RAPGEF1: variants seen among roughly 807,000 people sequenced by gnomAD.
RAPGEF1 encodes the protein Rap guanine nucleotide exchange factor 1.
Under a neutral mutation model 143.3 loss-of-function variants are expected in RAPGEF1, and 33 were observed. That is an observed-to-expected ratio of 0.23 (90% CI 0.17 to 0.31). The LOEUF is 0.31. Ranked by LOEUF, RAPGEF1 falls within the 10% of genes least tolerant of loss-of-function variation. RAPGEF1 has a pLI of 1.00. For missense variants in RAPGEF1, 1,199 were observed against 1,645.4 expected, an observed-to-expected ratio of 0.73 and a Z score of 4.69; for synonymous variants, 629 against 676.5, an observed-to-expected ratio of 0.93 and a Z score of 1.09.
chr9:131,587,871 T>G, intron 21 of RAPGEF1, 41 bp from the exon 22 acceptor site: 1 of 1,603,966 alleles, frequency 6.2e-7, no homozygotes, highest in African/African-American at 1.3e-5. Context: ...GAGCCCCGGC[T>G]TTCCCCTGAT....
At chr9:131,683,789 T>C (rs530256415) in intron 1 of RAPGEF1, among the ~76,000 whole-genome samples, 2 of 152,374 alleles carry the variant, frequency 1.3e-5, no homozygotes, top group South Asian at 2.1e-4. Flanking sequence ...TGCCTATTAA[T>C]GTGGTTTCTG....
chr9:131,714,298 C>A (rs1835706555), intron 1 of RAPGEF1, among the ~76,000 whole-genome samples: 1 of 151,894 alleles, frequency 6.6e-6, no homozygotes, highest in South Asian at 2.1e-4. Flanking sequence ...GAGTCAGGAT[C>A]CTGCAAGGCG....
intron 14 of RAPGEF1, among the ~76,000 whole-genome samples, 176 bp from the exon 15 acceptor site, chr9:131,602,325 C>G (rs2132470442): frequency 6.6e-6 from 1 of 152,380 alleles, no homozygotes; most frequent in East Asian, 1.9e-4. Context: ...GCCCTCAAGA[C>G]TAGCATGTGG....
At chr9:131,582,825 T>TCCCA in intron 24 of RAPGEF1, 123 bp from the exon 25 acceptor site, 1 of 764,226 alleles carries the variant, frequency 1.3e-6, no homozygotes, top group Non-Finnish European at 2.0e-6. Flanking sequence ...ACTCCACAGG[T>TCCCA]CCCACTACGC....
At chr9:131,736,693 G>C (rs1247809539) in intron 1 of RAPGEF1, among the ~76,000 whole-genome samples, 1 of 152,124 alleles carries the variant, frequency 6.6e-6, no homozygotes, top group Admixed American at 6.5e-5. Flanking sequence ...GATGTGAAGG[G>C]GTTTCCTGTT....
chr9:131,640,823 T>C (rs1156361594), intron 4 of RAPGEF1, among the ~76,000 whole-genome samples: 1 of 152,108 alleles, frequency 6.6e-6, no homozygotes, highest in African/African-American at 2.4e-5. Context: ...AGGAAAGAGA[T>C]AATGCAAAGC....
rs111533149 is a variant in RAPGEF1 at position 131,642,913 on chromosome 9, C to T, written c.494+326G>A. Among the ~76,000 whole-genome samples, 116 of 152,254 alleles carry T rather than the reference C, an allele frequency of 7.6e-4. 1 individual carries two copies. The highest frequency in any genetic ancestry group is 2.6e-3 in the African/African-American group (106 of 41,546). On this transcript the variant is annotated intron_variant, in intron 4 of 26. Transcript: ENST00000683357. ...AAAAAGTTTCATTCAAAACAGGCTC[C>T]TCCCACCCGCAGTGAATCCAGGCTC...
At chr9:131,636,968 G>A (rs1034345839) in intron 5 of RAPGEF1, among the ~76,000 whole-genome samples, 11 of 152,170 alleles carry the variant, frequency 7.2e-5, no homozygotes, top group African/African-American at 2.7e-4. Context: ...GCTCACACCT[G>A]TAATCCCAAC....
intron 10 of RAPGEF1, 27 bp from the exon 11 acceptor site, chr9:131,622,025 C>A (rs373928902): frequency 6.3e-7 from 1 of 1,599,490 alleles, no homozygotes; most frequent in Non-Finnish European, 8.5e-7. Context: ...AAAGCTGCAG[C>A]GAGGCCGGGG....
rs138723952 is a variant in RAPGEF1, at chr9:131,722,446, G to A, written c.61+17324C>T. On this transcript the variant is annotated intron_variant, in intron 1 of 26. Coordinates refer to ENST00000683357, the MANE Select transcript of RAPGEF1 (RefSeq NM_001377935.1). ...AGAGTAAGTGCTGCTGATGGATCCA[G>A]GCAGAGCCCTCGGAGGGAAGCCAAT... 9.7e-4 allele frequency among the ~76,000 whole-genome samples: 148 copies of A among 152,346 alleles called. 5 individuals are homozygous for A. The East Asian group carries it at 0.022, about 22-fold the overall frequency.
chr9:131,622,210 C>T (rs1240111093), intron 10 of RAPGEF1, among the ~76,000 whole-genome samples: 1 of 152,160 alleles, frequency 6.6e-6, no homozygotes, highest in Non-Finnish European at 1.5e-5. Context: ...GGCAGACGCG[C>T]AACACCAATG....
chr9:131,643,254 G>T lies in RAPGEF1; in HGVS notation c.479C>A (p.Pro160His). The change falls in exon 4 of 27, where the codon CCT becomes CAT. Residue 160 changes from proline (P) to histidine (H), a missense_variant. By Grantham distance (77) the Pro-to-His change is moderately conservative. Transcript: ENST00000683357. ...EAILPLVQND[P>H]RIQHSSALSS... ...AGCCACTCACCTGTGCTGAATTCGA[G>T]GATCGTTCTGCACCAGGGGTAAGAT... 8.7e-6 allele frequency: 14 copies of T among 1,611,736 alleles called. No individual in the cohort carries two copies. Among genetic ancestry groups the T allele is most frequent in the Non-Finnish European group, 1.2e-5 (14 of 1,179,388 alleles).
At chr9:131,659,374 G>A (rs1444604284) in intron 1 of RAPGEF1, among the ~76,000 whole-genome samples, 2 of 151,944 alleles carry the variant, frequency 1.3e-5, no homozygotes, top group Non-Finnish European at 1.5e-5. Flanking sequence ...ACCAGGTTAC[G>A]AGACTGGCTA....
chr9:131,579,360 C>T lies in RAPGEF1; in HGVS notation c.*137G>A. On this transcript the variant is annotated 3_prime_UTR_variant, in exon 27 of 27. Coordinates refer to ENST00000683357, the MANE Select transcript of RAPGEF1 (RefSeq NM_001377935.1). ...CTGGCAGGCTCCAGCTCCCGCCCGGCCCCGCTGAGGGCTGGCCAGCCTCAT... is the reference window on the plus strand; with the variant it reads ...CTGGCAGGCTCCAGCTCCCGCCCGGTCCCGCTGAGGGCTGGCCAGCCTCAT... The T allele has an allele frequency of 1.6e-6, 2 of 1,265,796 alleles. No individual in the cohort carries two copies. The highest frequency in any genetic ancestry group is 1.1e-6 in the Non-Finnish European group (1 of 918,096). The allele number at this position is 1,265,796 out of a possible 1,614,324, so 78.4% of individuals were successfully genotyped here. A position where few individuals can be genotyped will look rare whatever the true frequency, so the allele number is the denominator to read the frequency against.
At chr9:131,633,368 G>C (rs1327635547) in intron 5 of RAPGEF1, among the ~76,000 whole-genome samples, 1 of 152,142 alleles carries the variant, frequency 6.6e-6, no homozygotes, top group African/African-American at 2.4e-5. Context: ...GGAGCATCAC[G>C]GCCTTAGAGG....
intron 1 of RAPGEF1, among the ~76,000 whole-genome samples, chr9:131,659,663 G>C (rs1321023310): frequency 6.6e-6 from 1 of 152,188 alleles, no homozygotes; most frequent in African/African-American, 2.4e-5. Context: ...TGACCCGTGT[G>C]TAAAGCATGT....
At chr9:131,632,418 C>T (rs181228222) in intron 5 of RAPGEF1, among the ~76,000 whole-genome samples, 255 of 152,006 alleles carry the variant, frequency 1.7e-3, no homozygotes, top group African/African-American at 5.3e-3. Context: ...TGAGCCACCG[C>T]GCCCGGCCAA....
Position 131,667,905 on chromosome 9 carries a change from G to C in RAPGEF1, c.62-16956C>G, listed in dbSNP as rs1830689023. ...TACTGCACATACAGTGAGTCACTAAGCCCAGTCCTGGCACTTAGTTAACAT... is the reference window on the plus strand; with the variant it reads ...TACTGCACATACAGTGAGTCACTAACCCCAGTCCTGGCACTTAGTTAACAT... On this transcript the variant is annotated intron_variant, in intron 1 of 26. Transcript: ENST00000683357. The surrounding 1 kb of genome is among the most constrained non-coding windows in gnomAD (Gnocchi z 4.6). 6.6e-6 allele frequency among the ~76,000 whole-genome samples: 1 copy of C among 152,180 alleles called. No homozygotes were observed. Among genetic ancestry groups the C allele is most frequent in the African/African-American group, 2.4e-5 (1 of 41,434 alleles).
intron 1 of RAPGEF1, among the ~76,000 whole-genome samples, chr9:131,684,900 C>T (rs1476251207): frequency 5.3e-5 from 8 of 152,074 alleles, no homozygotes; most frequent in Non-Finnish European, 8.8e-5. Flanking sequence ...TGAGGAGGAC[C>T]CCAACTGTCA....
Sources: allele counts gnomAD v4.1 joint callset (sites outside exome capture counted in the v4.1 genomes callset), GRCh38; gene constraint gnomAD v4.1.1; non-coding constraint Gnocchi (gnomAD v3.1); transcripts MANE v1.5; gene names NCBI Gene and HGNC (gene_info 2026-07-23, HGNC 2026-07-21).